RAB6A: variants seen among roughly 807,000 people sequenced by gnomAD.
The protein encoded by RAB6A is ras-related protein Rab-6A.
RAB6A carries 8 observed loss-of-function variants against 32.3 expected under a neutral mutation model. The ratio of observed to expected loss-of-function variants is 0.25; its 90% CI spans 0.15 to 0.45. RAB6A has a LOEUF of 0.45. Ranked by LOEUF, RAB6A falls within the 20% of genes least tolerant of loss-of-function variation. The pLI, the probability that RAB6A is intolerant of heterozygous loss-of-function variation, is 1.00. For missense variants in RAB6A, 104 were observed against 249.4 expected (o/e 0.42, Z 3.93); for synonymous variants, 73 against 82.1 (o/e 0.89, Z 0.60).
chr11:73,744,137 G>C (rs1321637036), intron 1 of RAB6A, among the ~76,000 whole-genome samples: 2 of 151,940 alleles, frequency 1.3e-5, no homozygotes, highest in African/African-American at 2.4e-5. Context: ...AAGAGATGGA[G>C]ACCATCCTGG....
chr11:73,724,080 T>C (rs1946181560), intron 2 of RAB6A, among the ~76,000 whole-genome samples: 1 of 152,194 alleles, frequency 6.6e-6, no homozygotes, highest in Admixed American at 6.5e-5. Context: ...TATAAACGCT[T>C]ATGCATTTCT....
chr11:73,744,200 T>C (rs573990271), intron 1 of RAB6A, among the ~76,000 whole-genome samples: 6 of 151,574 alleles, frequency 4.0e-5, no homozygotes, highest in Middle Eastern at 3.4e-3. Context: ...TAGCCGGGCA[T>C]GGTGGTGGGC....
intron 1 of RAB6A, among the ~76,000 whole-genome samples, chr11:73,739,282 A>ATATATATATATATAT (rs1289309364): frequency 6.5e-5 from 1 of 15,332 alleles, no homozygotes. Context: ...AAAAAAAAAA[A>ATATATATATATATAT]AAATATATAT....
intron 1 of RAB6A, among the ~76,000 whole-genome samples, chr11:73,744,695 G>A (rs1405214189): frequency 6.6e-6 from 1 of 152,126 alleles, no homozygotes; most frequent in African/African-American, 2.4e-5. Context: ...TAAGCACTGG[G>A]GCTGGGCGCG....
At chr11:73,711,041 G>C (rs561532490) in intron 5 of RAB6A, among the ~76,000 whole-genome samples, 1 of 152,250 alleles carries the variant, frequency 6.6e-6, no homozygotes, top group African/African-American at 2.4e-5. Context: ...TCTGCTCAAA[G>C]GCATAGATGC....
chr11:73,689,890 C>T (rs951015272), intron 6 of RAB6A, among the ~76,000 whole-genome samples: 18 of 131,520 alleles, frequency 1.4e-4, no homozygotes, highest in African/African-American at 3.8e-4. Flanking sequence ...AGTGAGACTC[C>T]GTCTCAAAAA....
At chr11:73,695,467 C>A (rs1945642182) in intron 6 of RAB6A, among the ~76,000 whole-genome samples, 1 of 152,014 alleles carries the variant, frequency 6.6e-6, no homozygotes, top group African/African-American at 2.4e-5. Context: ...GCAACCTCTG[C>A]CTCCCGGGTT....
At chr11:73,709,290 A>G (rs1945901299) in intron 5 of RAB6A, among the ~76,000 whole-genome samples, 1 of 151,936 alleles carries the variant, frequency 6.6e-6, no homozygotes, top group Admixed American at 6.6e-5. Context: ...CTTCTTTAGA[A>G]AGAAACTTTC....
chr11:73,679,199 A>C (rs982915948), intron 7 of RAB6A, among the ~76,000 whole-genome samples: 10 of 152,240 alleles, frequency 6.6e-5, no homozygotes, highest in African/African-American at 2.4e-4. Context: ...CTAATATTAG[A>C]TGTCCCAATC....
intron 2 of RAB6A, among the ~76,000 whole-genome samples, chr11:73,726,488 A>C (rs1209455511): frequency 6.7e-6 from 1 of 148,748 alleles, no homozygotes; most frequent in African/African-American, 2.5e-5. Context: ...AGGCTGAGGC[A>C]GGAGAATGGC....
At chr11:73,679,018 GCC>G (rs147448312) in intron 7 of RAB6A, among the ~76,000 whole-genome samples, 55 of 152,168 alleles carry the variant, frequency 3.6e-4, no homozygotes, top group African/African-American at 1.2e-3. Flanking sequence ...AAGCCACCGC[GCC>G]CGGCCTGTTT....
chr11:73,755,110 T>C (rs887954685), intron 1 of RAB6A, among the ~76,000 whole-genome samples: 6 of 151,508 alleles, frequency 4.0e-5, no homozygotes, highest in African/African-American at 1.5e-4. Flanking sequence ...TTTGTATTTT[T>C]AGTAGAGACG....
At chr11:73,731,538 CAAA>C (rs542226534) in intron 1 of RAB6A, among the ~76,000 whole-genome samples, 1 of 75,412 alleles carries the variant, frequency 1.3e-5, no homozygotes, top group Non-Finnish European at 2.7e-5. Flanking sequence ...GACTCCGTCT[CAAA>C]AAAAAAAAAA....
rs543742647 is a variant in RAB6A at position 73,694,878 on chromosome 11, T to C, written c.495+12542A>G. Among the ~76,000 whole-genome samples the C allele has an allele frequency of 2.6e-5, 4 of 152,230 alleles. No individual in the cohort carries two copies. In the South Asian group the frequency reaches 8.3e-4, roughly 32 times the overall value. On this transcript the variant is annotated intron_variant, in intron 6 of 7. Transcript: ENST00000336083. ...AAAAATACAAAAAATTAGCTGGGCA[T>C]GGTGGCACACGCGTGCAATCCCAGC...
At chr11:73,713,497 G>T (rs558140379) in intron 5 of RAB6A, among the ~76,000 whole-genome samples, 1 of 151,856 alleles carries the variant, frequency 6.6e-6, no homozygotes. Context: ...GAACCCGGGA[G>T]GGGGAGCTTG....
At chr11:73,725,321 T>C (rs914516111) in intron 2 of RAB6A, among the ~76,000 whole-genome samples, 1 of 152,342 alleles carries the variant, frequency 6.6e-6, no homozygotes, top group South Asian at 2.1e-4. Flanking sequence ...GCAACATTAA[T>C]GTATTCAAGA....
At chr11:73,702,090 T>A (rs1207912522) in intron 6 of RAB6A, among the ~76,000 whole-genome samples, 3 of 152,156 alleles carry the variant, frequency 2.0e-5, no homozygotes, top group Non-Finnish European at 4.4e-5. Context: ...CAATACATCG[T>A]TGTTGTTATA....
chr11:73,752,643 C>T (rs1242385080), intron 1 of RAB6A, among the ~76,000 whole-genome samples: 2 of 152,126 alleles, frequency 1.3e-5, no homozygotes, highest in African/African-American at 2.4e-5. Flanking sequence ...CATGGCAAAA[C>T]GCCATCTCTA....
At chr11:73,688,011 G>A (rs949821839) in intron 6 of RAB6A, among the ~76,000 whole-genome samples, 17 of 152,152 alleles carry the variant, frequency 1.1e-4, no homozygotes, top group African/African-American at 4.1e-4. Context: ...ATATCAGGAG[G>A]CACCTTATGC....
Sources: allele counts gnomAD v4.1 joint callset (sites outside exome capture counted in the v4.1 genomes callset), GRCh38; gene constraint gnomAD v4.1.1; transcripts MANE v1.5; gene names NCBI Gene and HGNC (gene_info 2026-07-23, HGNC 2026-07-21).